COL9A2: variants seen among roughly 807,000 people sequenced by gnomAD.
The protein encoded by COL9A2 is collagen type IX alpha 2 chain.
COL9A2 carries 66 observed loss-of-function variants against 111.6 expected under a neutral mutation model. The ratio of observed to expected loss-of-function variants is 0.59; its 90% CI spans 0.48 to 0.73. The LOEUF (loss-of-function observed/expected upper bound fraction) is 0.73, where lower values mean the gene tolerates loss of function less well. Ranked by LOEUF, COL9A2 falls within the 30% of genes least tolerant of loss-of-function variation. The pLI, the probability that COL9A2 is intolerant of heterozygous loss-of-function variation, is 0.00. For synonymous variants in COL9A2, 353 were observed against 364.1 expected (o/e 0.97, Z 0.35); for missense variants, 881 against 954.1 (o/e 0.92, Z 1.01).
chr1:40,315,206 G>T (rs1402001304), intron 2 of COL9A2: 7 of 1,045,534 alleles, frequency 6.7e-6, no homozygotes, highest in African/African-American at 1.7e-5. Flanking sequence ...GCCCAAGCTG[G>T]TCGGTGGTCT....
intron 24 of COL9A2, 21 bp from the exon 25 acceptor site, chr1:40,304,120 G>T: frequency 6.5e-7 from 1 of 1,542,290 alleles, no homozygotes. Context: ...CGGGCAGTGA[G>T]GGGTTTGGCG....
At position 40,313,171 on chromosome 1, in the gene COL9A2, C is replaced by CTT. The variant is rs5773690; in HGVS notation, c.250-389_250-388dup. ...TTTCCTTTCTCTTTTCTTTTTCTTT[C>CTT]TTTTTTTTTTCAATTGAGACACAGT... On this transcript the variant is annotated intron_variant, in intron 4 of 31. Transcript: ENST00000372748. Among the ~76,000 whole-genome samples, 14 of 148,858 alleles carry CTT rather than the reference C, an allele frequency of 9.4e-5. No homozygotes were observed. The East Asian group carries it at 9.9e-4, about 11-fold the overall frequency.
In COL9A2 at chr1:40,314,509, C is replaced by T. The variant is rs1488671755; in HGVS notation, c.151-122G>A. On this transcript the variant is annotated intron_variant, in intron 2 of 31. Transcript: ENST00000372748. This position sits in a 1 kb window ranked among gnomAD's most constrained non-coding sequence, Gnocchi z 4.1. ...CACTCTCCTCTCTTCTGTCCAGGTCCCCTAAGCCTTGCAATCTTTGGGAAA... is the reference window on the plus strand; with the variant it reads ...CACTCTCCTCTCTTCTGTCCAGGTCTCCTAAGCCTTGCAATCTTTGGGAAA... 2.5e-6 allele frequency: 3 copies of T among 1,200,374 alleles called. No homozygotes were observed. Among genetic ancestry groups the T allele is most frequent in the East Asian group, 4.7e-5 (2 of 42,174 alleles). 74.4% of individuals were successfully genotyped at this position (1,200,374 alleles called of 1,614,324 possible). A position where few individuals can be genotyped will look rare whatever the true frequency, so the allele number is the denominator to read the frequency against.
At chr1:40,308,100 A>C in intron 17 of COL9A2, 92 bp downstream of exon 17, 2 of 1,303,650 alleles carry the variant, frequency 1.5e-6, no homozygotes, top group Non-Finnish European at 2.2e-6. Flanking sequence ...TGCAGAGTTC[A>C]GACTAGCATC....
At chr1:40,301,512 G>A (rs1316561960) in intron 31 of COL9A2, 131 bp from the exon 32 acceptor site, 9 of 781,164 alleles carry the variant, frequency 1.2e-5, no homozygotes, top group Non-Finnish European at 1.8e-5. Context: ...CTGCCCCAGA[G>A]GCAGAGATTC....
rs1473177508 is a variant in COL9A2, at chr1:40,307,694, C to A, written c.954+9G>T. 1 of 1,614,134 alleles carries A rather than the reference C, an allele frequency of 6.2e-7. No individual in the cohort carries two copies. Among genetic ancestry groups the A allele is most frequent in the Admixed American group, 1.7e-5 (1 of 60,014 alleles). ...CCTGCCCCAGTCCCATCAGCAGCCC[C>A]ACTCCTACCTTCATGCCAGGCGTGC... On this transcript the variant is annotated intron_variant, in intron 18 of 31. Transcript: ENST00000372748. This position sits in a 1 kb window ranked among gnomAD's most constrained non-coding sequence, Gnocchi z 4.8.
At position 40,316,590 on chromosome 1, in the gene COL9A2, C is replaced by G; in HGVS notation, c.75+533G>C. Reference sequence around the variant, plus strand: ...CCCAGGCCGCGAAGTGCCAGGCTGGCGCCCCGCAGGCGAGCTCGAAACCAC... The same window carrying G: ...CCCAGGCCGCGAAGTGCCAGGCTGGGGCCCCGCAGGCGAGCTCGAAACCAC... On this transcript the variant is annotated intron_variant, in intron 1 of 31. Transcript: ENST00000372748. The surrounding 1 kb of genome is among the most constrained non-coding windows in gnomAD (Gnocchi z 5.5). 1 of 454,650 alleles carries G rather than the reference C, an allele frequency of 2.2e-6. No individual in the cohort carries two copies. The highest frequency in any genetic ancestry group is 4.4e-6 in the Non-Finnish European group (1 of 225,946). 28.2% of individuals were successfully genotyped at this position (454,650 alleles called of 1,614,324 possible). A position where few individuals can be genotyped will look rare whatever the true frequency, so the allele number is the denominator to read the frequency against.
rs751057593 is a variant in COL9A2, at chr1:40,306,844, ATT to A, written c.1008+600_1008+601del. On this transcript the variant is annotated intron_variant, in intron 19 of 31. Coordinates refer to ENST00000372748, the MANE Select transcript of COL9A2 (RefSeq NM_001852.4). ...AGTATACCTCAGATACTCAATAACTATTTTTTTTTTTTTTTTTTGAGATGGAG... is the reference window on the plus strand; with the variant it reads ...AGTATACCTCAGATACTCAATAACTATTTTTTTTTTTTTTTTGAGATGGAG... Among the ~76,000 whole-genome samples the A allele has an allele frequency of 7.7e-3, 1,032 of 134,244 alleles. 9 individuals carry two copies. The highest frequency in any genetic ancestry group is 0.026 in the East Asian group (120 of 4,584). The allele number at this position is 134,244 out of a possible 152,430, so 88.1% of individuals were successfully genotyped here.
chr1:40,316,280 G>A lies in COL9A2; in HGVS notation c.76-616C>T, dbSNP rs1644217390. Among the ~76,000 whole-genome samples the A allele has an allele frequency of 6.6e-6, 1 of 152,208 alleles. No homozygotes were observed. Among genetic ancestry groups the A allele is most frequent in the Non-Finnish European group, 1.5e-5 (1 of 68,026 alleles). ...GGAGCGCCCCTTCGGCAGCACAGCT[G>A]CCCGGTCCTCCCTCTGCTAAGCCCT... On this transcript the variant is annotated intron_variant, in intron 1 of 31. Coordinates refer to ENST00000372748, the MANE Select transcript of COL9A2 (RefSeq NM_001852.4). This position sits in a 1 kb window ranked among gnomAD's most constrained non-coding sequence, Gnocchi z 5.5.
intron 20 of COL9A2, 98 bp from the exon 21 acceptor site, chr1:40,305,866 G>T: frequency 9.3e-7 from 1 of 1,078,220 alleles, no homozygotes. Context: ...GGAACCAGAT[G>T]AGCTGGGACG....
intron 31 of COL9A2, 25 bp from the exon 32 acceptor site, chr1:40,301,406 A>G (rs760269057): frequency 1.3e-6 from 2 of 1,589,434 alleles, no homozygotes; most frequent in Non-Finnish European, 1.7e-6. Context: ...AAGTCAAGAC[A>G]TTAGGGGCAC....
chr1:40,312,716 C>A lies in COL9A2; in HGVS notation c.303+15G>T. On this transcript the variant is annotated intron_variant, in intron 5 of 31. Transcript: ENST00000372748. The surrounding 1 kb of genome is among the most constrained non-coding windows in gnomAD (Gnocchi z 6.0). ...CCCTAGATTGCCCACGCTGAGGCCC[C>A]AGCAGGCCCCTTACCTTGACTCCAG... 1 of 1,560,220 alleles carries A rather than the reference C, an allele frequency of 6.4e-7. No homozygotes were observed. Among genetic ancestry groups the A allele is most frequent in the Non-Finnish European group, 8.7e-7 (1 of 1,151,172 alleles).
Position 40,311,323 on chromosome 1 carries a change from C to T in COL9A2, c.520-37G>A. On this transcript the variant is annotated intron_variant, in intron 10 of 31. Coordinates refer to ENST00000372748, the MANE Select transcript of COL9A2 (RefSeq NM_001852.4). This position sits in a 1 kb window ranked among gnomAD's most constrained non-coding sequence, Gnocchi z 5.1. ...AAATCCCACAGGGTCCTGTGATCAG[C>T]TGGGCAGTGCGCCCCCATCTCTCCA... 6.2e-7 allele frequency: 1 copy of T among 1,607,402 alleles called. No individual in the cohort carries two copies. Among genetic ancestry groups the T allele is most frequent in the Non-Finnish European group, 8.5e-7 (1 of 1,176,580 alleles).
At position 40,314,358 on chromosome 1, in the gene COL9A2, G is replaced by A; in HGVS notation, c.180C>T (p.Gly60=). ...DGDNGPPGKA[G]PPGPKGEPGK... ...AAGAGGATAAAGCACTCACCGGAGG[G>A]CCAGCTTTTCCAGGGGGCCCATTGT... The change falls in exon 3 of 32, where the codon GGC becomes GGT. Residue 60 remains glycine (G), a synonymous_variant. Coordinates refer to ENST00000372748, the MANE Select transcript of COL9A2 (RefSeq NM_001852.4). This position sits in a 1 kb window ranked among gnomAD's most constrained non-coding sequence, Gnocchi z 4.1. 6.2e-7 allele frequency: 1 copy of A among 1,614,174 alleles called. No homozygotes were observed. Among genetic ancestry groups the A allele is most frequent in the Non-Finnish European group, 8.5e-7 (1 of 1,180,036 alleles).
In COL9A2 at chr1:40,302,823, G is replaced by GGGAA; in HGVS notation, c.1604-15_1604-14insTTCC. 1 of 1,537,444 alleles carries GGGAA rather than the reference G, an allele frequency of 6.5e-7. No individual in the cohort carries two copies. The highest frequency in any genetic ancestry group is 8.8e-7 in the Non-Finnish European group (1 of 1,138,776). On this transcript the variant is annotated splice_polypyrimidine_tract_variant and intron_variant, in intron 29 of 31. Transcript: ENST00000372748. This position sits in a 1 kb window ranked among gnomAD's most constrained non-coding sequence, Gnocchi z 4.5. ...CTGCCAGTTGCTCTGGAGGGAGGGAGGGAGGGAGGGAGAGGGAAGTCTATG... is the reference window on the plus strand; with the variant it reads ...CTGCCAGTTGCTCTGGAGGGAGGGAGGGAAGGAGGGAGGGAGAGGGAAGTCTATG...
Position 40,316,235 on chromosome 1 carries a change from C to T in COL9A2, c.76-571G>A, listed in dbSNP as rs147567795. On this transcript the variant is annotated intron_variant, in intron 1 of 31. Transcript: ENST00000372748. This position sits in a 1 kb window ranked among gnomAD's most constrained non-coding sequence, Gnocchi z 5.5. Reference sequence around the variant, plus strand: ...AGAAAGGAGGTGTAGGGAGGTGAAGCGGGTACTATCTTCCCACTCGGAGCG... The same window carrying T: ...AGAAAGGAGGTGTAGGGAGGTGAAGTGGGTACTATCTTCCCACTCGGAGCG... The T allele has an allele frequency of 8.8e-5, 15 of 171,054 alleles. No homozygotes were observed. The highest frequency in any genetic ancestry group is 1.4e-4 in the Non-Finnish European group (11 of 79,060). The allele number at this position is 171,054 out of a possible 1,614,324, so 10.6% of individuals were successfully genotyped here.
In COL9A2 at chr1:40,303,562, C is replaced by G. The variant is rs1225104241; in HGVS notation, c.1516G>C (p.Val506Leu). ...GPRGLAGNRG[V>L]PGQPGRQGVE... ...CCCTGTCTCCCGGGCTGTCCTGGCA[C>G]GCCTCGGTTCCCGGCCAGTCCTCGA... The change falls in exon 28 of 32, where the codon GTG becomes CTG. Residue 506 changes from valine to leucine, a missense_variant. Coordinates refer to ENST00000372748, the MANE Select transcript of COL9A2 (RefSeq NM_001852.4). This position sits in a 1 kb window ranked among gnomAD's most constrained non-coding sequence, Gnocchi z 4.6. The G allele has an allele frequency of 6.2e-7, 1 of 1,611,632 alleles. No individual in the cohort carries two copies. The highest frequency in any genetic ancestry group is 8.5e-7 in the Non-Finnish European group (1 of 1,179,438).
At position 40,311,096 on chromosome 1, in the gene COL9A2, C is replaced by G. The variant is rs868723714; in HGVS notation, c.627G>C (p.Lys209Asn). Residue 209 changes from lysine to asparagine, a missense_variant, in exon 12 of 32, where the codon AAG becomes AAC. Coordinates refer to ENST00000372748, the MANE Select transcript of COL9A2 (RefSeq NM_001852.4). The surrounding 1 kb of genome is among the most constrained non-coding windows in gnomAD (Gnocchi z 5.1). Reference protein sequence around the residue: ...GILGDPGHQGKPGPKGDVGAS... With the variant: ...GILGDPGHQGNPGPKGDVGAS... ...AGCCCTCAGCCCTTGCACTCACCGG[C>G]TTCCCCTGGTGGCCAGGATCACCCA... 5 of 1,614,010 alleles carry G rather than the reference C, an allele frequency of 3.1e-6. No individual in the cohort carries two copies. In the African/African-American group the frequency reaches 5.3e-5, roughly 17 times the overall value.
chr1:40,315,802 T>C (rs1644210041), intron 1 of COL9A2, 138 bp from the exon 2 acceptor site: 1 of 608,644 alleles, frequency 1.6e-6, no homozygotes, highest in Non-Finnish European at 3.0e-6. Context: ...GAATCTTCTG[T>C]ATAGCAGGCA....
Sources: allele counts gnomAD v4.1 joint callset (sites outside exome capture counted in the v4.1 genomes callset), GRCh38; gene constraint gnomAD v4.1.1; non-coding constraint Gnocchi (gnomAD v3.1); transcripts MANE v1.5; gene names NCBI Gene and HGNC (gene_info 2026-07-23, HGNC 2026-07-21).